KCTD19: variants seen among roughly 807,000 people sequenced by gnomAD.
The protein encoded by KCTD19 is potassium channel tetramerization domain containing 19, also known as BTB/POZ domain-containing protein KCTD19.
KCTD19 carries 67 observed loss-of-function variants against 103.5 expected under a neutral mutation model. The ratio of observed to expected loss-of-function variants is 0.65; its 90% confidence interval spans 0.53 to 0.79. KCTD19 has a LOEUF of 0.79. KCTD19 is among the 30% of genes least tolerant of loss of function. KCTD19 has a pLI of 0.00. For missense variants in KCTD19, 980 were observed against 1,136.1 expected (o/e 0.86, Z 1.98); for synonymous variants, 439 against 452.2 (o/e 0.97, Z 0.37).
intron 2 of KCTD19, among the ~76,000 whole-genome samples, chr16:67,315,614 T>C (rs1409061961): frequency 1.3e-5 from 2 of 152,136 alleles, no homozygotes; most frequent in African/African-American, 4.8e-5. Context: ...CCCAAGTAGC[T>C]GGGATTATAG....
intron 2 of KCTD19, among the ~76,000 whole-genome samples, chr16:67,318,925 A>G (rs1449571906): frequency 6.6e-6 from 1 of 152,176 alleles, no homozygotes; most frequent in African/African-American, 2.4e-5. Flanking sequence ...GCCTGGTAGT[A>G]TATTAAGAAT....
At chr16:67,314,466 C>G (rs964214996) in intron 2 of KCTD19, among the ~76,000 whole-genome samples, 3 of 152,078 alleles carry the variant, frequency 2.0e-5, no homozygotes, top group Non-Finnish European at 4.4e-5. Flanking sequence ...CCTTCCTACC[C>G]TGAGCCCCAG....
intron 11 of KCTD19, 135 bp from the exon 12 acceptor site, chr16:67,294,306 C>A: frequency 9.8e-7 from 1 of 1,022,794 alleles, no homozygotes; most frequent in Non-Finnish European, 1.4e-6. Context: ...AGGGGTCACC[C>A]ATTTGAGCTT....
At chr16:67,324,152 A>G (rs2037105081) in intron 1 of KCTD19, among the ~76,000 whole-genome samples, 1 of 152,208 alleles carries the variant, frequency 6.6e-6, no homozygotes, top group African/African-American at 2.4e-5. Flanking sequence ...GGTTGTTGAA[A>G]AAAAAGTTTA....
At chr16:67,296,310 G>A (rs939829188) in intron 7 of KCTD19, 51 bp from the exon 8 acceptor site, 2 of 1,131,334 alleles carry the variant, frequency 1.8e-6, no homozygotes, top group Non-Finnish European at 2.7e-6. Flanking sequence ...AGAAGGGAAA[G>A]CAGGTAGGGC....
Position 67,309,960 on chromosome 16 carries a change from G to GA in KCTD19, c.301-5390dup, listed in dbSNP as rs576245145. Among the ~76,000 whole-genome samples, 305 of 152,300 alleles carry GA rather than the reference G, an allele frequency of 2.0e-3. 2 individuals carry two copies. The highest frequency in any genetic ancestry group is 0.01 in the Middle Eastern group (3 of 294). The stretch of plus-strand genomic sequence containing the variant: ...TATGCCCAAGAAATCTTAAAAAAGA[G>GA]AAAAACTAAAGCAAGTCCACAAAGA... On this transcript the variant is annotated intron_variant, in intron 2 of 15. Transcript: ENST00000304372.
At position 67,320,368 on chromosome 16, in the gene KCTD19, G is replaced by A. The variant is rs372137514; in HGVS notation, c.300+221C>T. On this transcript the variant is annotated intron_variant, in intron 2 of 15. Coordinates refer to ENST00000304372, the MANE Select transcript of KCTD19 (RefSeq NM_001100915.3). The surrounding 1 kb of genome is among the most constrained non-coding windows in gnomAD (Gnocchi z 4.0). ...GTGATTGCAGCAGACACCCTGTCTCGAAAAAACAAAAGCAGGTAATTTCAG... is the reference window on the plus strand; with the variant it reads ...GTGATTGCAGCAGACACCCTGTCTCAAAAAAACAAAAGCAGGTAATTTCAG... Among the ~76,000 whole-genome samples the A allele has an allele frequency of 3.3e-5, 5 of 151,990 alleles. No individual in the cohort carries two copies. Among genetic ancestry groups the A allele is most frequent in the African/African-American group, 9.7e-5 (4 of 41,400 alleles).
intron 2 of KCTD19, among the ~76,000 whole-genome samples, chr16:67,310,015 C>A (rs2036933615): frequency 6.6e-6 from 1 of 152,200 alleles, no homozygotes; most frequent in African/African-American, 2.4e-5. Context: ...GGTCATGCTG[C>A]AGGCCAGGCC....
Position 67,299,552 on chromosome 16 carries a change from C to T in KCTD19, c.797G>A (p.Cys266Tyr), listed in dbSNP as rs773728764. 2.0e-5 allele frequency: 33 copies of T among 1,613,120 alleles called. No individual in the cohort carries two copies. Among genetic ancestry groups the T allele is most frequent in the Non-Finnish European group, 2.7e-5 (32 of 1,179,880 alleles). ...CCCCTTCCCGGGGCTCAGGGGAGAA[C>T]AGGTGGTCGGGGAACAGCCACCTGT... The part of the protein sequence containing the change: ...MNMGGCSPTT[C>Y]SPLSPGKGAR... The change falls in exon 6 of 16, where the codon TGT becomes TAT. Residue 266 changes from cysteine to tyrosine, a missense_variant. By Grantham distance (194) the Cys-to-Tyr change is radical. Coordinates refer to ENST00000304372, the MANE Select transcript of KCTD19 (RefSeq NM_001100915.3).
chr16:67,309,161 A>G (rs1459604784), intron 2 of KCTD19, among the ~76,000 whole-genome samples: 1 of 151,874 alleles, frequency 6.6e-6, no homozygotes, highest in Non-Finnish European at 1.5e-5. Flanking sequence ...AGAAAGAAAG[A>G]AAGAAAAGGA....
At chr16:67,319,107 C>A (rs1282972601) in intron 2 of KCTD19, among the ~76,000 whole-genome samples, 1 of 151,932 alleles carries the variant, frequency 6.6e-6, no homozygotes, top group East Asian at 1.9e-4. Flanking sequence ...CTTGTAATCT[C>A]AGCTACTCAG....
At position 67,320,016 on chromosome 16, in the gene KCTD19, C is replaced by G. The variant is rs1219840460; in HGVS notation, c.300+573G>C. 6.6e-6 allele frequency among the ~76,000 whole-genome samples: 1 copy of G among 152,244 alleles called. No homozygotes were observed. Among genetic ancestry groups the G allele is most frequent in the Non-Finnish European group, 1.5e-5 (1 of 68,042 alleles). ...GATTTTCAAGAGCCAGGGGCACCCT[C>G]TCAGTGGATAGTAAATCCCATTCTG... On this transcript the variant is annotated intron_variant, in intron 2 of 15. Transcript: ENST00000304372. The surrounding 1 kb of genome is among the most constrained non-coding windows in gnomAD (Gnocchi z 4.0).
intron 15 of KCTD19, among the ~76,000 whole-genome samples, chr16:67,289,885 G>A (rs1033301333): frequency 1.4e-4 from 21 of 152,320 alleles, no homozygotes; most frequent in South Asian, 8.3e-4. Context: ...CAGAAAGACC[G>A]GAGGTTCAAA....
In KCTD19 at chr16:67,303,017, C is replaced by T. The variant is rs965969579; in HGVS notation, c.643+129G>A. 4 of 808,158 alleles carry T rather than the reference C, an allele frequency of 4.9e-6. No individual in the cohort carries two copies. Among genetic ancestry groups the T allele is most frequent in the Admixed American group, 2.8e-5 (1 of 36,352 alleles). 50.1% of individuals were successfully genotyped at this position (808,158 alleles called of 1,614,324 possible). A position where few individuals can be genotyped will look rare whatever the true frequency, so the allele number is the denominator to read the frequency against. On this transcript the variant is annotated intron_variant, in intron 4 of 15. Transcript: ENST00000304372. The surrounding 1 kb of genome is among the most constrained non-coding windows in gnomAD (Gnocchi z 4.3). ...TTCCTGGAAGGCTCTGTCATGCTTC[C>T]GCTACCTCTGCCCAGGGAAGCTCCT...
At chr16:67,322,547 T>C (rs978622717) in intron 1 of KCTD19, among the ~76,000 whole-genome samples, 1 of 152,120 alleles carries the variant, frequency 6.6e-6, no homozygotes, top group Non-Finnish European at 1.5e-5. Context: ...ATCCACCTGC[T>C]TTGGCCTCCC....
At chr16:67,301,765 G>A in intron 5 of KCTD19, 26 bp downstream of exon 5, 1 of 1,611,636 alleles carries the variant, frequency 6.2e-7, no homozygotes, top group Non-Finnish European at 8.5e-7. Flanking sequence ...CTGTCGAGGG[G>A]GAGCCAAGGT....
chr16:67,309,714 G>A (rs2036930615), intron 2 of KCTD19, among the ~76,000 whole-genome samples: 1 of 152,122 alleles, frequency 6.6e-6, no homozygotes, highest in African/African-American at 2.4e-5. Flanking sequence ...CCTGTGGTGG[G>A]GAGAAGGGGA....
intron 1 of KCTD19, among the ~76,000 whole-genome samples, chr16:67,322,448 GCCA>G (rs1002465039): frequency 6.6e-6 from 1 of 151,926 alleles, no homozygotes; most frequent in Non-Finnish European, 1.5e-5. Context: ...ACAGGCACCC[GCCA>G]CCACGCCCGG....
rs553673042 is a variant in KCTD19, at chr16:67,320,519, A to G, written c.300+70T>C. The G allele has an allele frequency of 6.8e-7, 1 of 1,463,450 alleles. No homozygotes were observed. The highest frequency in any genetic ancestry group is 1.4e-5 in the African/African-American group (1 of 70,966). The allele number at this position is 1,463,450 out of a possible 1,614,324, so 90.7% of individuals were successfully genotyped here. ...GTCATCTCAGCAACCAATATATAACAGGAAACAATATTTAGTGATGTAAAG... is the reference window on the plus strand; with the variant it reads ...GTCATCTCAGCAACCAATATATAACGGGAAACAATATTTAGTGATGTAAAG... On this transcript the variant is annotated intron_variant, in intron 2 of 15. Coordinates refer to ENST00000304372, the MANE Select transcript of KCTD19 (RefSeq NM_001100915.3). The surrounding 1 kb of genome is among the most constrained non-coding windows in gnomAD (Gnocchi z 4.0).
Sources: gnomAD v4.1 joint callset for allele counts (sites outside exome capture counted in the v4.1 genomes callset) on GRCh38, gnomAD v4.1.1 for gene constraint, Gnocchi (gnomAD v3.1) non-coding constraint, MANE v1.5 for transcripts, NCBI Gene and HGNC (gene_info 2026-07-23, HGNC 2026-07-21) for gene names.